The following CRTAM variants were observed in gnomAD, a reference collection of about 807,000 sequenced individuals.
CRTAM encodes the protein cytotoxic and regulatory T-cell molecule.
Under a neutral mutation model 50.0 loss-of-function variants are expected in CRTAM, and 44 were observed. The ratio of observed to expected loss-of-function variants is 0.88; its 90% CI spans 0.69 to 1.13. The LOEUF (loss-of-function observed/expected upper bound fraction) is 1.13. CRTAM is among the 50% of genes most tolerant of loss of function. The probability of loss-of-function intolerance (pLI) is 0.00; values close to 1 mark genes in which losing one functional copy is unlikely to be tolerated. For missense variants in CRTAM, 448 were observed against 457.5 expected, an observed-to-expected ratio of 0.98 and a Z score of 0.19; for synonymous variants, 159 against 169.3, an observed-to-expected ratio of 0.94 and a Z score of 0.47.
intron 9 of CRTAM, among the ~76,000 whole-genome samples, chr11:122,870,890 G>A (rs1591359322): frequency 6.6e-6 from 1 of 152,194 alleles, no homozygotes; most frequent in African/African-American, 2.4e-5. Flanking sequence ...ACCAGCCTAG[G>A]CAATATAGTG....
chr11:122,849,156 C>A (rs1466411099), intron 1 of CRTAM, among the ~76,000 whole-genome samples: 1 of 152,172 alleles, frequency 6.6e-6, no homozygotes, highest in Non-Finnish European at 1.5e-5. Context: ...GGTAACTCCG[C>A]AGTTCACCAG....
chr11:122,863,171 C>G (rs1361240136), intron 6 of CRTAM, among the ~76,000 whole-genome samples: 5 of 151,452 alleles, frequency 3.3e-5, no homozygotes, highest in African/African-American at 1.2e-4. Context: ...TCTAATTTAA[C>G]TTTGTATTTT....
At chr11:122,839,190 C>A (rs1033766969) in intron 1 of CRTAM, among the ~76,000 whole-genome samples, 2 of 152,120 alleles carry the variant, frequency 1.3e-5, no homozygotes, top group African/African-American at 4.8e-5. Context: ...CCTCAGCCTC[C>A]CAAAGTGCTG....
chr11:122,847,765 G>A (rs1861882878), intron 1 of CRTAM, among the ~76,000 whole-genome samples: 1 of 152,212 alleles, frequency 6.6e-6, no homozygotes, highest in Admixed American at 6.5e-5. Flanking sequence ...TTCACATGTG[G>A]CTGTTGGCAA....
chr11:122,871,408 G>A lies in CRTAM; in HGVS notation c.*9G>A, dbSNP rs1165459634. On this transcript the variant is annotated 3_prime_UTR_variant, in exon 10 of 10. Coordinates refer to ENST00000227348, the MANE Select transcript of CRTAM (RefSeq NM_019604.4). ...CAGAGAGTATTGTGTAGTGCTCTCTGCAATGGAACATGTGATTTCAGGGTT... is the reference window on the plus strand; with the variant it reads ...CAGAGAGTATTGTGTAGTGCTCTCTACAATGGAACATGTGATTTCAGGGTT... 1.9e-6 allele frequency: 3 copies of A among 1,606,432 alleles called. No homozygotes were observed. The highest frequency in any genetic ancestry group is 2.6e-6 in the Non-Finnish European group (3 of 1,176,308).
chr11:122,854,085 C>G lies in CRTAM; in HGVS notation c.489C>G (p.Ser163=), dbSNP rs763296787. Residue 163 remains serine (S), a splice_region_variant and synonymous_variant, in exon 4 of 10, where the codon TCC becomes TCG. Coordinates refer to ENST00000227348, the MANE Select transcript of CRTAM (RefSeq NM_019604.4). ...TACTTGGGAATAGCATGGAAGTGTC[C>G]GGTAAGGGGAGAAATGGTTCTCTTT... The part of the protein sequence containing the change: ...TWLLGNSMEV[S]GGTLHEFETD... The G allele has an allele frequency of 1.2e-6, 2 of 1,609,888 alleles. No homozygotes were observed. Among genetic ancestry groups the G allele is most frequent in the Admixed American group, 3.4e-5 (2 of 58,990 alleles).
rs1400550160 is a variant in CRTAM at position 122,862,490 on chromosome 11, G to T, written c.679G>T (p.Ala227Ser). 6.2e-7 allele frequency: 1 copy of T among 1,612,988 alleles called. No individual in the cohort carries two copies. Among genetic ancestry groups the T allele is most frequent in the Non-Finnish European group, 8.5e-7 (1 of 1,178,958 alleles). ...TACTGATGAAGAGACAGCTTCAGAT[G>T]CTCTGGAGAGAAACTCTCTATCCTC... ...LVTDEETASD[A>S]LERNSLSSQD... The change falls in exon 6 of 10, where the codon GCT becomes TCT. Residue 227 changes from alanine to serine, a missense_variant. Physicochemically the swap from Ala to Ser is moderately conservative, Grantham distance 99. Coordinates refer to ENST00000227348, the MANE Select transcript of CRTAM (RefSeq NM_019604.4).
chr11:122,857,328 G>A (rs1862020098), intron 5 of CRTAM, among the ~76,000 whole-genome samples: 1 of 152,168 alleles, frequency 6.6e-6, no homozygotes, highest in Non-Finnish European at 1.5e-5. Flanking sequence ...AATCAGCTGG[G>A]CATGATTGTG....
rs1028179626 is a variant in CRTAM, at chr11:122,868,169, G to A, written c.1051+70G>A. 6 of 935,606 alleles carry A rather than the reference G, an allele frequency of 6.4e-6. No individual in the cohort carries two copies. In the African/African-American group the frequency reaches 9.8e-5, roughly 15 times the overall value. 58.0% of individuals were successfully genotyped at this position (935,606 alleles called of 1,614,324 possible). ...AATGTATTAGTCAGATTTCTCCAGA[G>A]AGACAGAGACAACAGAATATGTGTG... On this transcript the variant is annotated intron_variant, in intron 9 of 9. Coordinates refer to ENST00000227348, the MANE Select transcript of CRTAM (RefSeq NM_019604.4).
intron 5 of CRTAM, among the ~76,000 whole-genome samples, chr11:122,858,385 C>T (rs1565290893): frequency 6.6e-6 from 1 of 152,022 alleles, no homozygotes; most frequent in Non-Finnish European, 1.5e-5. Flanking sequence ...GCCACCACGC[C>T]CTGCTAATTT....
intron 4 of CRTAM, 61 bp downstream of exon 4, chr11:122,854,147 A>G (rs1029231183): frequency 1.4e-5 from 22 of 1,573,384 alleles, no homozygotes; most frequent in Non-Finnish European, 1.9e-5. Flanking sequence ...GGGATTTTTA[A>G]ATGTTTTGGC....
At chr11:122,852,722 G>A (rs927013667) in intron 3 of CRTAM, among the ~76,000 whole-genome samples, 1 of 152,022 alleles carries the variant, frequency 6.6e-6, no homozygotes, top group Non-Finnish European at 1.5e-5. Flanking sequence ...GTGCCCTTCT[G>A]GGCTCTCATA....
intron 1 of CRTAM, among the ~76,000 whole-genome samples, chr11:122,844,545 A>G (rs1029470704): frequency 6.6e-6 from 1 of 152,318 alleles, no homozygotes; most frequent in South Asian, 2.1e-4. Context: ...ATTTTTATTA[A>G]CAACAGGAGA....
chr11:122,847,943 G>C (rs867301320), intron 1 of CRTAM, among the ~76,000 whole-genome samples: 17 of 152,346 alleles, frequency 1.1e-4, no homozygotes, highest in Middle Eastern at 6.8e-3. Flanking sequence ...AAGTGAGATT[G>C]ATACTCATCT....
intron 1 of CRTAM, among the ~76,000 whole-genome samples, chr11:122,843,334 C>T (rs551657351): frequency 8.0e-4 from 122 of 152,288 alleles, no homozygotes; most frequent in Non-Finnish European, 1.1e-3. Context: ...AATCTCATAA[C>T]ATATGGTCAT....
chr11:122,861,386 GTATATATATATATA>G (rs71057304), intron 5 of CRTAM, among the ~76,000 whole-genome samples: 519 of 41,794 alleles, frequency 0.012, 14 homozygotes, highest in East Asian at 0.11. Context: ...ATACATATAC[GTATATATATATATA>G]TATATATATA....
intron 5 of CRTAM, among the ~76,000 whole-genome samples, chr11:122,858,307 C>T (rs539812743): frequency 3.3e-5 from 5 of 152,186 alleles, no homozygotes; most frequent in African/African-American, 1.2e-4. Flanking sequence ...TCGCTATAAC[C>T]TCTGCCTCCC....
rs1373778970 is a variant in CRTAM at position 122,870,087 on chromosome 11, C to CT, written c.1052-1173dup. Reference sequence around the variant, plus strand: ...TCAACTTTTAAAACAATTTTTCTTTCTTTTTTTTTGAGACAGGGTCTCTCA... The same window carrying CT: ...TCAACTTTTAAAACAATTTTTCTTTCTTTTTTTTTTGAGACAGGGTCTCTCA... On this transcript the variant is annotated intron_variant, in intron 9 of 9. Transcript: ENST00000227348. 5.8e-3 allele frequency among the ~76,000 whole-genome samples: 873 copies of CT among 151,222 alleles called. 12 individuals carry two copies. Among genetic ancestry groups the CT allele is most frequent in the African/African-American group, 0.02 (827 of 41,274 alleles).
intron 6 of CRTAM, among the ~76,000 whole-genome samples, chr11:122,863,237 G>GA (rs1862111890): frequency 8.1e-6 from 1 of 123,340 alleles, no homozygotes; most frequent in Non-Finnish European, 1.7e-5. Flanking sequence ...ACGAAAGAAA[G>GA]AAAGAAAGAA....
Sources: gnomAD v4.1 joint callset for allele counts (sites outside exome capture counted in the v4.1 genomes callset) on GRCh38, gnomAD v4.1.1 for gene constraint, MANE v1.5 for transcripts, NCBI Gene and HGNC (gene_info 2026-07-23, HGNC 2026-07-21) for gene names.